Variants in TNC observed in about 807,000 individuals in gnomAD.
TNC encodes tenascin C.
In TNC, 109 loss-of-function variants were observed where a neutral mutation model predicts 202.4. That is an observed-to-expected ratio of 0.54 (90% CI 0.46 to 0.63). The LOEUF (loss-of-function observed/expected upper bound fraction) is 0.63. Among genes scored for constraint, TNC ranks in the 30% least tolerant of loss-of-function variants. The probability of loss-of-function intolerance (pLI) is 0.00; values close to 1 mark genes in which losing one functional copy is unlikely to be tolerated. For synonymous variants in TNC, 1,007 were observed against 1,089.7 expected (o/e 0.92, Z 1.50); for missense variants, 2,756 against 2,833.3 (o/e 0.97, Z 0.62).
Position 115,084,316 on chromosome 9 carries a change from G to T in TNC, c.2024C>A (p.Thr675Lys). 1 of 1,614,156 alleles carries T rather than the reference G, an allele frequency of 6.2e-7. No homozygotes were observed. Residue 675 changes from threonine to lysine, a missense_variant, in exon 4 of 28, where the codon ACG (threonine) becomes AAG (lysine). This residue lies in a region of TNC where 2,559 missense variants were observed against 2,546.0 expected (regional missense o/e 1.01). Transcript: ENST00000350763. ...EMQFRVPGDQ[T>K]STIIQELEPG... ...CTCCAGCTCCTGGATGATGGTGGAC[G>T]TCTGGTCCCCAGGCACACGGAACTG...
Position 115,041,007 on chromosome 9 carries a change from G to T in TNC, c.5326C>A (p.Leu1776Ile), listed in dbSNP as rs1830690239. The T allele has an allele frequency of 6.2e-7, 1 of 1,613,924 alleles. No homozygotes were observed. The highest frequency in any genetic ancestry group is 8.5e-7 in the Non-Finnish European group (1 of 1,180,010). Residue 1776 changes from leucine to isoleucine, a missense_variant, in exon 19 of 28, where the codon CTT (leucine) becomes ATT (isoleucine). Physicochemically the swap from Leu to Ile is conservative, Grantham distance 5. This residue lies in a region of TNC where 2,559 missense variants were observed against 2,546.0 expected (regional missense o/e 1.01). Transcript: ENST00000350763. ...CCCTTCATGGCGATGATGCTGACAA[G>T]GTACTCCACGCCAGGTATGAGTTTC... The part of the protein sequence containing the change: ...LVKLIPGVEY[L>I]VSIIAMKGFE...
chr9:115,035,731 CT>C (rs1275384834), intron 21 of TNC: 2 of 268,808 alleles, frequency 7.4e-6, no homozygotes, highest in Admixed American at 9.6e-5. Context: ...GTATAGAAAC[CT>C]AACAAACATC....
chr9:115,031,630 G>T lies in TNC; in HGVS notation c.5843C>A (p.Ser1948Tyr). ...CTGGATCTTGGCTGTGTAGTGGGTG[G>T]ATGGGCTCAGGTCTGCCAGGCTGTA... ...TSYSLADLSP[S>Y]THYTAKIQAL... Residue 1948 changes from serine (S) to tyrosine (Y), a missense_variant, in exon 23 of 28, where the codon TCC (serine) becomes TAC (tyrosine). Ser to Tyr is a moderately radical substitution (Grantham distance 144). Transcript: ENST00000350763. 4 of 1,612,800 alleles carry T rather than the reference G, an allele frequency of 2.5e-6. No homozygotes were observed. Among genetic ancestry groups the T allele is most frequent in the Non-Finnish European group, 3.4e-6 (4 of 1,179,374 alleles).
chr9:115,043,354 C>G (rs918807266), intron 17 of TNC, among the ~76,000 whole-genome samples: 1 of 152,104 alleles, frequency 6.6e-6, no homozygotes, highest in Non-Finnish European at 1.5e-5. Context: ...TGGTAGCCAC[C>G]CCCAGACTCT....
intron 1 of TNC, among the ~76,000 whole-genome samples, chr9:115,098,228 G>A (rs896406647): frequency 2.0e-5 from 3 of 152,166 alleles, no homozygotes; most frequent in African/African-American, 4.8e-5. Context: ...TTTATTCAGA[G>A]CATTACTGTG....
intron 1 of TNC, among the ~76,000 whole-genome samples, chr9:115,093,508 T>C (rs1289942114): frequency 6.6e-6 from 1 of 152,190 alleles, no homozygotes; most frequent in Non-Finnish European, 1.5e-5. Flanking sequence ...GGCCATCTTA[T>C]GTGTTTACTG....
intron 15 of TNC, chr9:115,055,564 G>C (rs1832051286): frequency 6.6e-6 from 1 of 152,556 alleles, no homozygotes; most frequent in South Asian, 2.1e-4. Flanking sequence ...AAGCTTTGAG[G>C]TTGGTGATGA....
Position 115,090,824 on chromosome 9 carries a change from C to G in TNC, c.195G>C (p.Ser65=). 1.2e-6 allele frequency: 2 copies of G among 1,614,136 alleles called. No homozygotes were observed. The highest frequency in any genetic ancestry group is 1.7e-6 in the Non-Finnish European group (2 of 1,180,018). The change falls in exon 2 of 28, where the codon TCG becomes TCC. Residue 65 remains serine (S), a synonymous_variant. Transcript: ENST00000350763. ...NIKLPVGSQC[S]VDLESASGEK... is the part of the protein sequence containing the mutation. ...CCCCACTGGCTGACTCCAGATCCAC[C>G]GAACACTGGGATCCCACTGGCAGCT...
In TNC at chr9:115,085,894, C is replaced by T. The variant is rs756856500; in HGVS notation, c.1837G>A (p.Glu613Lys). The change falls in exon 3 of 28, where the codon GAG becomes AAG. Residue 613 changes from glutamate (E) to lysine (K), a missense_variant. Transcript: ENST00000350763. ...QCVSGRCICNEGYSGEDCSEV... is the reference protein window; with the variant it reads ...QCVSGRCICNKGYSGEDCSEV... The stretch of plus-strand genomic sequence containing the variant: ...GAGCAGTCTTCTCCGCTGTAGCCCT[C>T]GTTGCAGATGCAGCGGCCCGAGACG... 3.7e-6 allele frequency: 6 copies of T among 1,612,356 alleles called. No homozygotes were observed. In the South Asian group the frequency reaches 4.4e-5, roughly 12 times the overall value.
chr9:115,077,398 G>A (rs1833956534), intron 7 of TNC, among the ~76,000 whole-genome samples: 1 of 151,900 alleles, frequency 6.6e-6, no homozygotes, highest in Non-Finnish European at 1.5e-5. Flanking sequence ...TTGCCATGTT[G>A]GCCAGGATGG....
chr9:115,103,888 T>C (rs1306794490), intron 1 of TNC, among the ~76,000 whole-genome samples: 1 of 152,160 alleles, frequency 6.6e-6, no homozygotes, highest in Non-Finnish European at 1.5e-5. Flanking sequence ...ATCCATAAAA[T>C]ATTTCCATCC....
intron 1 of TNC, among the ~76,000 whole-genome samples, chr9:115,099,215 A>G (rs1450615163): frequency 8.5e-5 from 13 of 152,210 alleles, no homozygotes; most frequent in African/African-American, 2.9e-4. Context: ...TTCAACAGAG[A>G]TGTGTTGAAC....
At chr9:115,058,606 G>T (rs1832308402) in intron 14 of TNC, among the ~76,000 whole-genome samples, 1 of 152,174 alleles carries the variant, frequency 6.6e-6, no homozygotes, top group Non-Finnish European at 1.5e-5. Flanking sequence ...GGCAGTGGTT[G>T]CCTGTGCTTT....
chr9:115,042,183 C>T, intron 18 of TNC, 36 bp downstream of exon 18: 1 of 1,603,854 alleles, frequency 6.2e-7, no homozygotes. Context: ...AAACCCACAA[C>T]ACTCCTCCTC....
intron 1 of TNC, among the ~76,000 whole-genome samples, chr9:115,098,646 A>C (rs1835977189): frequency 6.6e-6 from 1 of 152,242 alleles, no homozygotes; most frequent in African/African-American, 2.4e-5. Context: ...AAGCACATAC[A>C]TGAAATATTC....
rs1319792008 is a variant in TNC at position 115,031,642 on chromosome 9, T to C, written c.5831A>G (p.Asp1944Gly). Residue 1944 changes from aspartate to glycine, a missense_variant, in exon 23 of 28, where the codon GAC becomes GGC. Asp to Gly is a moderately conservative substitution (Grantham distance 94). Transcript: ENST00000350763. ...GPDTTSYSLA[D>G]LSPSTHYTAK... ...TGTGTAGTGGGTGGATGGGCTCAGGTCTGCCAGGCTGTAGGAGGTGGTATC... is the reference window on the plus strand; with the variant it reads ...TGTGTAGTGGGTGGATGGGCTCAGGCCTGCCAGGCTGTAGGAGGTGGTATC... 2 of 1,612,448 alleles carry C rather than the reference T, an allele frequency of 1.2e-6. No homozygotes were observed. Among genetic ancestry groups the C allele is most frequent in the South Asian group, 2.2e-5 (2 of 90,748 alleles).
At chr9:115,036,895 C>G (rs1194671257) in intron 20 of TNC, among the ~76,000 whole-genome samples, 1 of 152,164 alleles carries the variant, frequency 6.6e-6, no homozygotes, top group Non-Finnish European at 1.5e-5. Context: ...AAAACTGAGA[C>G]AGTACCAGGC....
intron 6 of TNC, among the ~76,000 whole-genome samples, chr9:115,079,431 G>A (rs1047990043): frequency 8.5e-5 from 13 of 152,064 alleles, no homozygotes; most frequent in Non-Finnish European, 1.2e-4. Context: ...AAATGATGTC[G>A]CAAAAATGGA....
chr9:115,067,985 C>T (rs571107292), intron 10 of TNC, among the ~76,000 whole-genome samples: 5 of 152,068 alleles, frequency 3.3e-5, no homozygotes, highest in Admixed American at 3.3e-4. Context: ...AAAGGTACAA[C>T]TTCCACAAAT....
Sources: allele counts gnomAD v4.1 joint callset (sites outside exome capture counted in the v4.1 genomes callset), GRCh38; gene constraint gnomAD v4.1.1; regional missense constraint gnomAD v4.1.1; transcripts MANE v1.5; gene names NCBI Gene and HGNC (gene_info 2026-07-23, HGNC 2026-07-21).